The following PIEZO2 variants were observed in gnomAD, a reference collection of about 807,000 sequenced individuals.
PIEZO2 encodes the protein piezo type mechanosensitive ion channel component 2.
A neutral mutation model predicts 337.3 loss-of-function variants in PIEZO2; 172 were observed. That is an observed-to-expected ratio of 0.51 (90% CI 0.45 to 0.58). The LOEUF (loss-of-function observed/expected upper bound fraction) is 0.58. Among genes scored for constraint, PIEZO2 ranks in the 20% least tolerant of loss-of-function variants. PIEZO2 has a pLI of 0.00. For missense variants in PIEZO2, 3,028 were observed against 3,391.3 expected (o/e 0.89, Z 2.66); for synonymous variants, 1,251 against 1,228.5 (o/e 1.02, Z -0.38).
At chr18:10,876,449 G>A (rs2042270822) in intron 4 of PIEZO2, among the ~76,000 whole-genome samples, 1 of 152,166 alleles carries the variant, frequency 6.6e-6, no homozygotes, top group Non-Finnish European at 1.5e-5. Context: ...GTTTCTCTTT[G>A]AAATGAATGA....
chr18:10,764,364 G>A (rs990488133), intron 21 of PIEZO2, among the ~76,000 whole-genome samples: 4 of 152,090 alleles, frequency 2.6e-5, no homozygotes, highest in Non-Finnish European at 4.4e-5. Context: ...AGAAGAGGCC[G>A]GGTGAGGTGG....
chr18:10,761,708 G>T (rs1006752247), intron 23 of PIEZO2, among the ~76,000 whole-genome samples: 1 of 152,138 alleles, frequency 6.6e-6, no homozygotes, highest in African/African-American at 2.4e-5. Flanking sequence ...CCTCATAACA[G>T]CTATTTATGG....
intron 50 of PIEZO2, 51 bp from the exon 51 acceptor site, chr18:10,681,804 A>T (rs1567942292): frequency 7.0e-7 from 1 of 1,436,592 alleles, no homozygotes; most frequent in East Asian, 2.3e-5. Flanking sequence ...TCTTCTCTGC[A>T]TCCTGAGTCA....
intron 4 of PIEZO2, among the ~76,000 whole-genome samples, chr18:10,879,723 T>C (rs1239822967): frequency 6.6e-6 from 1 of 152,152 alleles, no homozygotes; most frequent in Non-Finnish European, 1.5e-5. Context: ...ATACTGATCT[T>C]ACTTGTTCAG....
intron 28 of PIEZO2, among the ~76,000 whole-genome samples, chr18:10,752,003 G>C (rs950722209): frequency 6.6e-6 from 1 of 152,090 alleles, no homozygotes; most frequent in Non-Finnish European, 1.5e-5. Context: ...GCGGGTTGTG[G>C]GGGGGGAGGG....
chr18:10,762,648 T>TA (rs145636374), intron 22 of PIEZO2, 23 bp from the exon 23 acceptor site: 255 of 1,514,052 alleles, frequency 1.7e-4, no homozygotes, highest in African/African-American at 9.8e-4. Flanking sequence ...GAAAATGGAG[T>TA]AAAAAAAAAT....
chr18:10,910,970 A>G (rs1365082730), intron 4 of PIEZO2, among the ~76,000 whole-genome samples: 1 of 151,362 alleles, frequency 6.6e-6, no homozygotes, highest in African/African-American at 2.4e-5. Flanking sequence ...GCCCCATTCT[A>G]TCTTTATTTC....
Position 10,863,835 on chromosome 18 carries a change from T to G in PIEZO2, c.493-6624A>C, listed in dbSNP as rs555159530. Among the ~76,000 whole-genome samples, 5 of 152,006 alleles carry G rather than the reference T, an allele frequency of 3.3e-5. No homozygotes were observed. Among genetic ancestry groups the G allele is most frequent in the Non-Finnish European group, 7.4e-5 (5 of 68,016 alleles). Reference sequence around the variant, plus strand: ...TTTCTTTAAGATATTTTTGTAAAAATCACTTAATGGAACACAATCAAAACA... The same window carrying G: ...TTTCTTTAAGATATTTTTGTAAAAAGCACTTAATGGAACACAATCAAAACA... On this transcript the variant is annotated intron_variant, in intron 5 of 55. Coordinates refer to ENST00000674853, the MANE Select transcript of PIEZO2 (RefSeq NM_001378183.1). This position sits in a 1 kb window ranked among gnomAD's most constrained non-coding sequence, Gnocchi z 4.3.
At chr18:11,072,087 T>G (rs2038361449) in intron 1 of PIEZO2, among the ~76,000 whole-genome samples, 1 of 152,172 alleles carries the variant, frequency 6.6e-6, no homozygotes, top group African/African-American at 2.4e-5. Context: ...CAGAGATTTC[T>G]TAGTCCCTGG....
intron 2 of PIEZO2, among the ~76,000 whole-genome samples, chr18:11,041,658 T>C (rs747836315): frequency 2.6e-5 from 4 of 152,370 alleles, no homozygotes; most frequent in Middle Eastern, 3.4e-3. Flanking sequence ...TTTTCTACGA[T>C]GTCAATTTGT....
At chr18:10,671,864 C>T in intron 55 of PIEZO2, 85 bp from the exon 56 acceptor site, 1 of 1,232,818 alleles carries the variant, frequency 8.1e-7, no homozygotes, top group Non-Finnish European at 1.1e-6. Context: ...AAAAATATTA[C>T]TTTCCCTCAA....
chr18:10,704,131 C>T (rs907549754), intron 42 of PIEZO2, among the ~76,000 whole-genome samples: 2 of 152,166 alleles, frequency 1.3e-5, no homozygotes, highest in Non-Finnish European at 2.9e-5. Flanking sequence ...GATGCTGTGT[C>T]CTTATCTGTT....
chr18:10,935,096 A>C (rs1368187325), intron 3 of PIEZO2, among the ~76,000 whole-genome samples: 1 of 152,134 alleles, frequency 6.6e-6, no homozygotes. Context: ...TTTCGTCCTT[A>C]CCTAATTCCA....
At chr18:11,051,547 A>G (rs2037538625) in intron 2 of PIEZO2, among the ~76,000 whole-genome samples, 1 of 152,172 alleles carries the variant, frequency 6.6e-6, no homozygotes, top group Non-Finnish European at 1.5e-5. Flanking sequence ...GATTCTCCCA[A>G]GAAAGAAGTA....
chr18:10,778,611 C>T (rs1431641877), intron 18 of PIEZO2, among the ~76,000 whole-genome samples: 3 of 151,968 alleles, frequency 2.0e-5, no homozygotes, highest in Non-Finnish European at 4.4e-5. Context: ...GGATTACAGG[C>T]GTGAGCCACC....
intron 33 of PIEZO2, chr18:10,739,889 T>C (rs2037151299): frequency 6.6e-6 from 1 of 152,168 alleles, no homozygotes; most frequent in South Asian, 2.1e-4. Context: ...ATTTAGAAAA[T>C]TATGTCTTGG....
intron 5 of PIEZO2, among the ~76,000 whole-genome samples, chr18:10,857,649 T>G (rs987760628): frequency 6.6e-6 from 1 of 152,190 alleles, no homozygotes; most frequent in South Asian, 2.1e-4. Flanking sequence ...GAAATTCTGG[T>G]TTTTTTCTAA....
At chr18:11,068,090 T>C (rs1242497649) in intron 1 of PIEZO2, among the ~76,000 whole-genome samples, 1 of 152,104 alleles carries the variant, frequency 6.6e-6, no homozygotes, top group East Asian at 1.9e-4. Context: ...CCAGCTAATT[T>C]TTCATATTTT....
intron 1 of PIEZO2, among the ~76,000 whole-genome samples, chr18:11,130,878 G>T (rs2040320774): frequency 6.6e-6 from 1 of 152,152 alleles, no homozygotes; most frequent in African/African-American, 2.4e-5. Flanking sequence ...TTCTGAGTGG[G>T]GTACAGAACA....
Sources: gnomAD v4.1 joint callset for allele counts (sites outside exome capture counted in the v4.1 genomes callset) on GRCh38, gnomAD v4.1.1 for gene constraint, Gnocchi (gnomAD v3.1) non-coding constraint, MANE v1.5 for transcripts, NCBI Gene and HGNC (gene_info 2026-07-23, HGNC 2026-07-21) for gene names.